The following CACHD1 variants were observed in gnomAD, a reference collection of about 807,000 sequenced individuals.
The protein encoded by CACHD1 is VWFA and cache domain-containing protein 1.
A neutral mutation model predicts 138.7 loss-of-function variants in CACHD1; 71 were observed. The ratio of observed to expected loss-of-function variants is 0.51; its 90% confidence interval spans 0.42 to 0.62. The LOEUF is 0.62. CACHD1 is among the 20% of genes least tolerant of loss of function. The pLI, the probability that CACHD1 is intolerant of heterozygous loss-of-function variation, is 0.00. For missense variants in CACHD1, 1,389 were observed against 1,625.3 expected, an observed-to-expected ratio of 0.85 and a Z score of 2.50; for synonymous variants, 578 against 591.5, an observed-to-expected ratio of 0.98 and a Z score of 0.33.
intron 2 of CACHD1, among the ~76,000 whole-genome samples, chr1:64,557,284 C>T (rs924390129): frequency 2.6e-5 from 4 of 152,016 alleles, no homozygotes; most frequent in African/African-American, 9.7e-5. Context: ...TCTTGGGGGG[C>T]TTGATTGGAT....
intron 1 of CACHD1, among the ~76,000 whole-genome samples, chr1:64,471,354 G>A (rs1002144167): frequency 6.6e-6 from 1 of 152,194 alleles, no homozygotes; most frequent in African/African-American, 2.4e-5. Flanking sequence ...AGAGCAGCCA[G>A]CCCCGTCTGG....
chr1:64,646,309 T>C (rs929948355), intron 8 of CACHD1, among the ~76,000 whole-genome samples: 1 of 152,208 alleles, frequency 6.6e-6, no homozygotes, highest in African/African-American at 2.4e-5. Context: ...CCATCTCAGC[T>C]CTGTGCCGTG....
rs1649644964 is a variant in CACHD1 at position 64,666,731 on chromosome 1, TCAG to T, written c.2387+565_2387+567del. On this transcript the variant is annotated intron_variant, in intron 16 of 26. Coordinates refer to ENST00000651257, the MANE Select transcript of CACHD1 (RefSeq NM_020925.4). The stretch of plus-strand genomic sequence containing the variant: ...GGCTCTACAAAAATAAAATAATTAA[TCAG>T]GCATGATGGGGCACACTTGTATTCC... 2.7e-5 allele frequency among the ~76,000 whole-genome samples: 4 copies of T among 150,914 alleles called. No homozygotes were observed. In the South Asian group the frequency reaches 8.4e-4, roughly 32 times the overall value.
At chr1:64,561,948 T>G (rs1322504219) in intron 2 of CACHD1, among the ~76,000 whole-genome samples, 2 of 151,708 alleles carry the variant, frequency 1.3e-5, no homozygotes, top group Non-Finnish European at 2.9e-5. Context: ...GTTTGTTTTT[T>G]GAACACTTTA....
intron 4 of CACHD1, among the ~76,000 whole-genome samples, chr1:64,608,744 CCTA>C (rs1249466639): frequency 4.6e-5 from 7 of 152,050 alleles, no homozygotes; most frequent in Non-Finnish European, 7.4e-5. Flanking sequence ...TGCTTTTATC[CCTA>C]CTTTCTCACT....
intron 5 of CACHD1, among the ~76,000 whole-genome samples, chr1:64,632,255 T>TAA (rs1648332703): frequency 3.1e-5 from 1 of 32,694 alleles, no homozygotes; most frequent in South Asian, 1.3e-3. Context: ...TGCTTTTTTC[T>TAA]GAAAAAAAAA....
chr1:64,489,958 A>G (rs566410713), intron 1 of CACHD1, among the ~76,000 whole-genome samples: 1 of 152,312 alleles, frequency 6.6e-6, no homozygotes, highest in African/African-American at 2.4e-5. Flanking sequence ...AGTACTGGCT[A>G]TTATTACCTA....
chr1:64,509,860 T>C (rs1021299902), intron 1 of CACHD1, among the ~76,000 whole-genome samples: 6 of 152,242 alleles, frequency 3.9e-5, no homozygotes, highest in African/African-American at 1.2e-4. Flanking sequence ...ATGTATTTTG[T>C]CTTGCACGAT....
At chr1:64,632,261 A>G (rs1446242306) in intron 5 of CACHD1, among the ~76,000 whole-genome samples, 1 of 22,798 alleles carries the variant, frequency 4.4e-5, no homozygotes, top group African/African-American at 7.1e-5. Context: ...TTTCTGAAAA[A>G]AAAAAAAAAA....
At chr1:64,476,650 A>C (rs927607254) in intron 1 of CACHD1, among the ~76,000 whole-genome samples, 2 of 152,228 alleles carry the variant, frequency 1.3e-5, no homozygotes, top group Non-Finnish European at 2.9e-5. Context: ...GAGCCCAAGA[A>C]AAAGCATGTT....
At chr1:64,634,652 T>C in intron 7 of CACHD1, among the ~76,000 whole-genome samples, 1 of 152,050 alleles carries the variant, frequency 6.6e-6, no homozygotes, top group East Asian at 1.9e-4. Context: ...CCCGAAGTAC[T>C]GGAATTACAA....
chr1:64,665,551 A>C (rs541213134), intron 15 of CACHD1, among the ~76,000 whole-genome samples: 53 of 152,340 alleles, frequency 3.5e-4, no homozygotes, highest in African/African-American at 1.1e-3. Flanking sequence ...TTTTTAAAGT[A>C]AGAAGGAATT....
At chr1:64,480,935 A>G (rs1646207526) in intron 1 of CACHD1, among the ~76,000 whole-genome samples, 1 of 150,680 alleles carries the variant, frequency 6.6e-6, no homozygotes, top group Admixed American at 6.6e-5. Flanking sequence ...ACTTTGGAGG[A>G]ATCATTCATT....
chr1:64,556,054 G>A (rs571418254), intron 2 of CACHD1, among the ~76,000 whole-genome samples: 2 of 152,202 alleles, frequency 1.3e-5, no homozygotes, highest in Admixed American at 6.5e-5. Context: ...TAGATTCCTT[G>A]GTTTCCCATC....
At chr1:64,573,287 A>G (rs758405094) in intron 2 of CACHD1, among the ~76,000 whole-genome samples, 14 of 152,190 alleles carry the variant, frequency 9.2e-5, no homozygotes, top group Admixed American at 6.5e-4. Context: ...CGAGGAAGAG[A>G]CAGACACTCT....
At chr1:64,641,766 G>A (rs776613575) in intron 7 of CACHD1, 54 bp from the exon 8 acceptor site, 14 of 1,402,694 alleles carry the variant, frequency 1.0e-5, no homozygotes, top group Non-Finnish European at 1.3e-5. Flanking sequence ...AAACTGAACT[G>A]CTGCCTTTAG....
chr1:64,625,631 A>G (rs1648070929), intron 4 of CACHD1, among the ~76,000 whole-genome samples: 1 of 151,866 alleles, frequency 6.6e-6, no homozygotes, highest in African/African-American at 2.4e-5. Flanking sequence ...AGTCTCAGAA[A>G]AAAAAAAAAA....
chr1:64,600,869 C>G (rs1367768484), intron 3 of CACHD1, among the ~76,000 whole-genome samples: 1 of 152,146 alleles, frequency 6.6e-6, no homozygotes, highest in African/African-American at 2.4e-5. Flanking sequence ...AACCTTCTAG[C>G]CTTCCATTTC....
chr1:64,653,864 T>G lies in CACHD1; in HGVS notation c.1647T>G (p.Val549=). The change falls in exon 11 of 27, where the codon GTT becomes GTG. Residue 549 remains valine (V), a synonymous_variant. Transcript: ENST00000651257. ...AAAATATTCCAAAATTTGAATTAGT[T>G]CGGCAAAATATCCTAAGGTAAGGAA... ...HYENIPKFEL[V]RQNILSLPLG... is the part of the protein sequence containing the mutation. 1 of 1,613,350 alleles carries G rather than the reference T, an allele frequency of 6.2e-7. No individual in the cohort carries two copies. Among genetic ancestry groups the G allele is most frequent in the Non-Finnish European group, 8.5e-7 (1 of 1,179,612 alleles).
Sources: allele counts gnomAD v4.1 joint callset (sites outside exome capture counted in the v4.1 genomes callset), GRCh38; gene constraint gnomAD v4.1.1; transcripts MANE v1.5; gene names NCBI Gene and HGNC (gene_info 2026-07-23, HGNC 2026-07-21).